The following GRAMD1B variants were observed in gnomAD, a reference collection of about 807,000 sequenced individuals.
The protein encoded by GRAMD1B is protein Aster-B.
Under a neutral mutation model 99.7 loss-of-function variants are expected in GRAMD1B, and 37 were observed. The ratio of observed to expected loss-of-function variants is 0.37; its 90% CI spans 0.29 to 0.49. The LOEUF (loss-of-function observed/expected upper bound fraction) is 0.49. GRAMD1B is among the 20% of genes least tolerant of loss of function. The pLI, the probability that GRAMD1B is intolerant of heterozygous loss-of-function variation, is 0.98. For missense variants in GRAMD1B, 888 were observed against 1,009.2 expected, an observed-to-expected ratio of 0.88 and a Z score of 1.63; for synonymous variants, 427 against 387.6, an observed-to-expected ratio of 1.10 and a Z score of -1.19.
At chr11:123,534,042 G>T (rs1229715035) in intron 2 of GRAMD1B, among the ~76,000 whole-genome samples, 1 of 152,204 alleles carries the variant, frequency 6.6e-6, no homozygotes, top group African/African-American at 2.4e-5. Flanking sequence ...GACCAACTTG[G>T]TGCTTAGGGG....
At chr11:123,457,315 T>G (rs1950204681) in intron 1 of GRAMD1B, among the ~76,000 whole-genome samples, 1 of 152,264 alleles carries the variant, frequency 6.6e-6, no homozygotes, top group Non-Finnish European at 1.5e-5. Flanking sequence ...TCTGTGTCTC[T>G]GTTAGCTGCC....
rs541939455 is a variant in GRAMD1B at position 123,364,320 on chromosome 11, C to T, written c.-176+5521C>T. Among the ~76,000 whole-genome samples, 39 of 152,306 alleles carry T rather than the reference C, an allele frequency of 2.6e-4. 1 individual carries two copies. Among genetic ancestry groups the T allele is most frequent in the African/African-American group, 8.7e-4 (36 of 41,572 alleles). ...TCTGAAATGAAACAGGCTTACTAGC[C>T]AGAGACTATTCCCTGCAGTGACTAT... On this transcript the variant is annotated intron_variant, in intron 1 of 20. Transcript: ENST00000638157.
At chr11:123,488,643 C>T (rs1256787838) in intron 2 of GRAMD1B, among the ~76,000 whole-genome samples, 1 of 152,124 alleles carries the variant, frequency 6.6e-6, no homozygotes, top group East Asian at 1.9e-4. Context: ...CCTCGCCACC[C>T]CACGGCCCTG....
chr11:123,619,476 G>A, intron 19 of GRAMD1B: 1 of 1,280,168 alleles, frequency 7.8e-7, no homozygotes. Context: ...CTGTAGTTTA[G>A]GTGGAAGGAG....
chr11:123,551,096 TC>T (rs1945561570), intron 2 of GRAMD1B, among the ~76,000 whole-genome samples: 1 of 152,200 alleles, frequency 6.6e-6, no homozygotes, highest in African/African-American at 2.4e-5. Context: ...GAAGTTCAAC[TC>T]TCACGCACCT....
At position 123,462,890 on chromosome 11, in the gene GRAMD1B, T is replaced by TAAAAAAA. The variant is rs55643501; in HGVS notation, c.375-17926_375-17925insAAAAAAA. ...CAAGAATTATCAATAAAAAAATAAATTAAAAAAAAAAAAAAAAAAAAAGAA... is the reference window on the plus strand; with the variant it reads ...CAAGAATTATCAATAAAAAAATAAATAAAAAAATAAAAAAAAAAAAAAAAAAAAAGAA... On this transcript the variant is annotated intron_variant, in intron 1 of 19. Coordinates refer to ENST00000635736, the MANE Select transcript of GRAMD1B (RefSeq NM_001387025.1). Among the ~76,000 whole-genome samples the TAAAAAAA allele has an allele frequency of 4.4e-4, 54 of 123,062 alleles. 1 individual carries two copies. The highest frequency in any genetic ancestry group is 1.2e-3 in the East Asian group (5 of 4,136). The allele number at this position is 123,062 out of a possible 152,430, so 80.7% of individuals were successfully genotyped here.
chr11:123,405,371 C>A (rs572970459), intron 1 of GRAMD1B, among the ~76,000 whole-genome samples: 9 of 152,294 alleles, frequency 5.9e-5, no homozygotes, highest in African/African-American at 9.6e-5. Context: ...CCATCCTCCC[C>A]CCTCGAAGGC....
chr11:123,568,811 C>G (rs1037706809), intron 2 of GRAMD1B, among the ~76,000 whole-genome samples: 1 of 152,198 alleles, frequency 6.6e-6, no homozygotes, highest in South Asian at 2.1e-4. Flanking sequence ...TCCCTTCTTT[C>G]AAACAGGTAA....
At chr11:123,571,768 C>A (rs997303925) in intron 2 of GRAMD1B, among the ~76,000 whole-genome samples, 3 of 152,172 alleles carry the variant, frequency 2.0e-5, no homozygotes, top group Admixed American at 2.0e-4. Context: ...TTCCATATAT[C>A]CCATGCTATT....
intron 2 of GRAMD1B, among the ~76,000 whole-genome samples, chr11:123,562,572 A>C (rs1160455713): frequency 6.6e-6 from 1 of 152,216 alleles, no homozygotes; most frequent in Non-Finnish European, 1.5e-5. Flanking sequence ...ACATGTCACA[A>C]AATATTCTCC....
At chr11:123,537,899 G>A (rs1224455807) in intron 2 of GRAMD1B, among the ~76,000 whole-genome samples, 1 of 152,170 alleles carries the variant, frequency 6.6e-6, no homozygotes, top group African/African-American at 2.4e-5. Context: ...TTTCTCGCTT[G>A]TTGCAGTCTT....
chr11:123,460,855 A>G lies in GRAMD1B; in HGVS notation c.375-19961A>G, dbSNP rs539315045. Among the ~76,000 whole-genome samples, 9 of 152,242 alleles carry G rather than the reference A, an allele frequency of 5.9e-5. No homozygotes were observed. The South Asian group carries it at 1.9e-3, about 32-fold the overall frequency. On this transcript the variant is annotated intron_variant, in intron 1 of 19. Coordinates refer to ENST00000635736, the MANE Select transcript of GRAMD1B (RefSeq NM_001387025.1). ...GTTTCTGCATGAATCCCCTGCTCCT[A>G]CGTTTCCTTTGTCCCTTTAGGACCC...
chr11:123,613,716 C>G, intron 16 of GRAMD1B, 58 bp downstream of exon 16: 1 of 1,315,278 alleles, frequency 7.6e-7, no homozygotes, highest in East Asian at 2.4e-5. Flanking sequence ...AGCTGCATGC[C>G]CACACCAAGG....
At chr11:123,572,405 T>C (rs1243685092) in intron 2 of GRAMD1B, among the ~76,000 whole-genome samples, 1 of 152,256 alleles carries the variant, frequency 6.6e-6, no homozygotes. Flanking sequence ...CTTTATGTTA[T>C]GTTATGCATG....
intron 2 of GRAMD1B, among the ~76,000 whole-genome samples, chr11:123,529,039 A>C (rs1281779238): frequency 2.0e-5 from 3 of 152,098 alleles, no homozygotes; most frequent in African/African-American, 7.2e-5. Flanking sequence ...TTCATTCTAC[A>C]AATGTTGATC....
chr11:123,439,942 A>G (rs1415718948), intron 1 of GRAMD1B, among the ~76,000 whole-genome samples: 2 of 152,164 alleles, frequency 1.3e-5, no homozygotes, highest in African/African-American at 2.4e-5. Flanking sequence ...GACTAGAAAA[A>G]CAATAAACAA....
chr11:123,369,950 T>C (rs985921326), intron 1 of GRAMD1B, among the ~76,000 whole-genome samples: 4 of 150,572 alleles, frequency 2.7e-5, no homozygotes, highest in African/African-American at 7.3e-5. Context: ...TTGGAGAAAA[T>C]GGGAAAACAG....
chr11:123,560,303 G>A, intron 2 of GRAMD1B: 1 of 1,148,832 alleles, frequency 8.7e-7, no homozygotes. Flanking sequence ...GAGGGAGAGA[G>A]AGAAAGGGAG....
chr11:123,531,483 T>A (rs966566342), intron 2 of GRAMD1B, among the ~76,000 whole-genome samples: 4 of 152,182 alleles, frequency 2.6e-5, no homozygotes, highest in Non-Finnish European at 4.4e-5. Context: ...TGGCAGAGAT[T>A]GTTGCAGATC....
Sources: allele counts gnomAD v4.1 joint callset (sites outside exome capture counted in the v4.1 genomes callset), GRCh38; gene constraint gnomAD v4.1.1; transcripts MANE v1.5; gene names NCBI Gene and HGNC (gene_info 2026-07-23, HGNC 2026-07-21).